Variants in MPRIP observed in about 807,000 individuals in gnomAD.
The protein encoded by MPRIP is myosin phosphatase Rho interacting protein, also known as myosin phosphatase Rho-interacting protein.
In MPRIP, 59 loss-of-function variants were observed where a neutral mutation model predicts 234.9. The ratio of observed to expected loss-of-function variants is 0.25; its 90% CI spans 0.20 to 0.31. The LOEUF (loss-of-function observed/expected upper bound fraction) is 0.31, where lower values mean the gene tolerates loss of function less well. Among genes scored for constraint, MPRIP ranks in the 10% least tolerant of loss-of-function variants. The probability of loss-of-function intolerance (pLI) is 1.00; values close to 1 mark genes in which losing one functional copy is unlikely to be tolerated. For synonymous variants in MPRIP, 1,144 were observed against 1,263.9 expected (o/e 0.91, Z 2.01); for missense variants, 2,436 against 3,071.0 (o/e 0.79, Z 4.89).
At chr17:17,173,859 C>T (rs766682422) in intron 18 of MPRIP, 57 bp from the exon 19 acceptor site, 16 of 1,605,308 alleles carry the variant, frequency 1.0e-5, no homozygotes, top group Non-Finnish European at 1.4e-5. Context: ...GGGACACCGG[C>T]CTCTGAGAGG....
chr17:17,172,899 T>G, intron 18 of MPRIP, 84 bp downstream of exon 18: 5 of 1,251,704 alleles, frequency 4.0e-6, no homozygotes, highest in African/African-American at 1.5e-5. Context: ...TTCCTGTGTC[T>G]TTGCAGAGGC....
intron 1 of MPRIP, among the ~76,000 whole-genome samples, chr17:17,043,239 TTAG>T (rs1567676096): frequency 6.6e-6 from 1 of 152,150 alleles, no homozygotes; most frequent in Non-Finnish European, 1.5e-5. Context: ...CTGGTTTCGC[TTAG>T]TAGGAACAAA....
intron 16 of MPRIP, chr17:17,169,035 G>C (rs199700760): frequency 4.4e-6 from 2 of 456,646 alleles, no homozygotes. Flanking sequence ...AGACACACAG[G>C]TGTGGTTGTC....
intron 3 of MPRIP, among the ~76,000 whole-genome samples, chr17:17,097,879 A>G (rs1277045676): frequency 2.0e-5 from 3 of 152,220 alleles, no homozygotes; most frequent in African/African-American, 4.8e-5. Flanking sequence ...GTGAGGCACC[A>G]CACAGATGTT....
chr17:17,141,149 G>T (rs1172913169), intron 7 of MPRIP, among the ~76,000 whole-genome samples: 1 of 152,236 alleles, frequency 6.6e-6, no homozygotes, highest in Non-Finnish European at 1.5e-5. Context: ...TTAAAGCCCA[G>T]CAGTTCCTCA....
rs2090750818 is a variant in MPRIP at position 17,138,471 on chromosome 17, C to G, written c.1250+42C>G. ...AGGGTTGAACACCCAGGCCCACACACATGCACTTCCACCCACGCACATACA... is the reference window on the plus strand; with the variant it reads ...AGGGTTGAACACCCAGGCCCACACAGATGCACTTCCACCCACGCACATACA... On this transcript the variant is annotated intron_variant, in intron 7 of 23. Coordinates refer to ENST00000651222, the MANE Select transcript of MPRIP (RefSeq NM_001364716.4). This position sits in a 1 kb window ranked among gnomAD's most constrained non-coding sequence, Gnocchi z 5.8. 5.4e-6 allele frequency: 1 copy of G among 186,602 alleles called. No individual in the cohort carries two copies. The highest frequency in any genetic ancestry group is 1.5e-4 in the South Asian group (1 of 6,524). The allele number at this position is 186,602 out of a possible 1,614,324, so 11.6% of individuals were successfully genotyped here.
chr17:17,093,592 GC>G (rs1356469972), intron 3 of MPRIP, among the ~76,000 whole-genome samples: 1 of 152,150 alleles, frequency 6.6e-6, no homozygotes, highest in Non-Finnish European at 1.5e-5. Flanking sequence ...TTGAAAATGG[GC>G]CAGATGGGAA....
At chr17:17,081,906 CTGAGG>C (rs1376863427) in intron 3 of MPRIP, among the ~76,000 whole-genome samples, 1 of 152,120 alleles carries the variant, frequency 6.6e-6, no homozygotes, top group African/African-American at 2.4e-5. Flanking sequence ...CAAATGCAGG[CTGAGG>C]TGAGGTGGGG....
Position 17,126,698 on chromosome 17 carries a change from C to T in MPRIP, c.268-4C>T. On this transcript the variant is annotated splice_region_variant and splice_polypyrimidine_tract_variant and intron_variant, in intron 3 of 23. Transcript: ENST00000651222. ...CTGGGTGACTCTCTGCCGCCTTCTTCCAGCCCACGACCCTTCCTCAGGGCA... is the reference window on the plus strand; with the variant it reads ...CTGGGTGACTCTCTGCCGCCTTCTTTCAGCCCACGACCCTTCCTCAGGGCA... The T allele has an allele frequency of 6.2e-7, 1 of 1,608,124 alleles. No individual in the cohort carries two copies. The highest frequency in any genetic ancestry group is 8.5e-7 in the Non-Finnish European group (1 of 1,176,880).
chr17:17,158,903 G>C lies in MPRIP; in HGVS notation c.2301G>C (p.Arg767=). 1 of 1,612,504 alleles carries C rather than the reference G, an allele frequency of 6.2e-7. No homozygotes were observed. The highest frequency in any genetic ancestry group is 8.5e-7 in the Non-Finnish European group (1 of 1,180,008). Residue 767 remains arginine, a synonymous_variant, in exon 14 of 24, where the codon CGG becomes CGC. Transcript: ENST00000651222. ...ATCAGGTGGAGACCACACCTCTCCG[G>C]GAAGAGAAGCAGGTGCCCATCGCCC... ...RWHQVETTPL[R]EEKQVPIAPV...
At chr17:17,048,273 A>G (rs1291297064) in intron 1 of MPRIP, among the ~76,000 whole-genome samples, 1 of 152,066 alleles carries the variant, frequency 6.6e-6, no homozygotes, top group Non-Finnish European at 1.5e-5. Context: ...TGCTGTGCCC[A>G]TACCCCACTG....
chr17:17,075,690 CCCTCTTTTTTCT>C lies in MPRIP; in HGVS notation c.124-14_124-3del. 1 of 1,611,184 alleles carries C rather than the reference CCCTCTTTTTTCT, an allele frequency of 6.2e-7. No individual in the cohort carries two copies. On this transcript the variant is annotated splice_polypyrimidine_tract_variant and splice_region_variant and intron_variant, in intron 1 of 23. Coordinates refer to ENST00000651222, the MANE Select transcript of MPRIP (RefSeq NM_001364716.4). The stretch of plus-strand genomic sequence containing the variant: ...TGGGTTGAAGGCTGCTGGTGACCTG[CCCTCTTTTTTCT>C]CCTCTAGGCAAAACCCATTTATGGC...
chr17:17,074,698 C>T (rs1255258846), intron 1 of MPRIP, among the ~76,000 whole-genome samples: 1 of 152,174 alleles, frequency 6.6e-6, no homozygotes, highest in African/African-American at 2.4e-5. Flanking sequence ...TGTGGATTTG[C>T]CTATTCTGGA....
rs1461167794 is a variant in MPRIP at position 17,185,063 on chromosome 17, C to T, written c.*169C>T. On this transcript the variant is annotated 3_prime_UTR_variant, in exon 24 of 24. Transcript: ENST00000651222. ...GAGGCTGGCTTCTGGGTTGTCCACA[C>T]CACTCTCTGCTGTGTTGACTTCCTG... 1.2e-5 allele frequency: 6 copies of T among 513,650 alleles called. No individual in the cohort carries two copies. The highest frequency in any genetic ancestry group is 3.0e-5 in the Admixed American group (1 of 32,868). 31.8% of individuals were successfully genotyped at this position (513,650 alleles called of 1,614,324 possible). A position where few individuals can be genotyped will look rare whatever the true frequency, so the allele number is the denominator to read the frequency against.
At chr17:17,131,175 T>G (rs953814913) in intron 4 of MPRIP, among the ~76,000 whole-genome samples, 1 of 151,882 alleles carries the variant, frequency 6.6e-6, no homozygotes, top group Non-Finnish European at 1.5e-5. Flanking sequence ...CCCCACACCC[T>G]AGTCCCTCAA....
chr17:17,129,826 C>T (rs545198322), intron 4 of MPRIP, among the ~76,000 whole-genome samples: 17 of 152,376 alleles, frequency 1.1e-4, no homozygotes, highest in African/African-American at 3.8e-4. Context: ...TAAGTGCAGC[C>T]TTCTGCAGGC....
intron 4 of MPRIP, among the ~76,000 whole-genome samples, chr17:17,128,896 A>G (rs2090544523): frequency 6.6e-6 from 1 of 150,948 alleles, no homozygotes; most frequent in African/African-American, 2.4e-5. Context: ...TCCCATTATA[A>G]CTCCTCTTCC....
At chr17:17,154,840 TC>T (rs1042488317) in intron 13 of MPRIP, among the ~76,000 whole-genome samples, 3 of 150,362 alleles carry the variant, frequency 2.0e-5, no homozygotes, top group African/African-American at 7.4e-5. Flanking sequence ...TTCACCTCAC[TC>T]CTACGTCTGT....
intron 3 of MPRIP, among the ~76,000 whole-genome samples, chr17:17,093,990 C>T (rs556590070): frequency 3.1e-4 from 47 of 152,320 alleles, no homozygotes; most frequent in Non-Finnish European, 6.2e-4. Context: ...CTCTGGCTGT[C>T]CTCTGGACCT....
Sources: gnomAD v4.1 joint callset for allele counts (sites outside exome capture counted in the v4.1 genomes callset) on GRCh38, gnomAD v4.1.1 for gene constraint, Gnocchi (gnomAD v3.1) non-coding constraint, MANE v1.5 for transcripts, NCBI Gene and HGNC (gene_info 2026-07-23, HGNC 2026-07-21) for gene names.